BTG4: variants seen among roughly 807,000 people sequenced by gnomAD.
BTG4 encodes the protein BTG anti-proliferation factor 4, also known as protein BTG4.
In BTG4, 10 loss-of-function variants were observed where a neutral mutation model predicts 19.3. The observed-to-expected ratio is 0.52, with a 90% CI of 0.32 to 0.88. The LOEUF is 0.88. BTG4 is among the 40% of genes least tolerant of loss of function. The pLI is 0.04. For synonymous variants in BTG4, 91 were observed against 95.7 expected (o/e 0.95, Z 0.29); for missense variants, 238 against 281.9 (o/e 0.84, Z 1.11).
the BTG4 span, among the ~76,000 whole-genome samples, chr11:111,389,554 C>T: frequency 6.6e-6 from 1 of 152,156 alleles, no homozygotes; most frequent in Non-Finnish European, 1.5e-5. Flanking sequence ...ATCCATGATC[C>T]GTGGTCCACC....
the BTG4 span, chr11:111,453,329 T>C: frequency 2.4e-4 from 90 of 372,888 alleles, no homozygotes; most frequent in African/African-American, 1.7e-3. Context: ...GTGCGACCTG[T>C]TTCCTTTCAG....
At chr11:111,403,402 A>G in the BTG4 span, among the ~76,000 whole-genome samples, 1 of 152,174 alleles carries the variant, frequency 6.6e-6, no homozygotes, top group Admixed American at 6.5e-5. Flanking sequence ...ATTAATGGAG[A>G]AAGGGGAAAT....
the BTG4 span, chr11:111,456,688 GGATAT>G: frequency 5.2e-6 from 2 of 381,198 alleles, no homozygotes; most frequent in Admixed American, 5.5e-5. The surrounding 1 kb of genome is among the most constrained non-coding windows in gnomAD (Gnocchi z 4.2). Flanking sequence ...TGGACACCTG[GGATAT>G]GATCTGCTGA....
chr11:111,488,331 G>T (rs775460843), intron 5 of BTG4, among the ~76,000 whole-genome samples: 10 of 152,022 alleles, frequency 6.6e-5, no homozygotes, highest in Non-Finnish European at 1.2e-4. Flanking sequence ...TTCAACAAAG[G>T]TGCAAAGAAC....
chr11:111,455,890 T>C, the BTG4 span: 1 of 441,816 alleles, frequency 2.3e-6, no homozygotes, highest in Admixed American at 2.4e-5. Flanking sequence ...TGAGCTTTGC[T>C]TGGGCCTCAG....
chr11:111,442,979 A>G, the BTG4 span, among the ~76,000 whole-genome samples: 3 of 152,190 alleles, frequency 2.0e-5, no homozygotes, highest in Non-Finnish European at 4.4e-5. Flanking sequence ...GTGGAAAGGG[A>G]AAAAGAGTAA....
At chr11:111,455,030 G>A in the BTG4 span, 4 of 456,188 alleles carry the variant, frequency 8.8e-6, no homozygotes, top group African/African-American at 2.0e-5. Flanking sequence ...GGAACAAGGC[G>A]CTGCCTCCCA....
the BTG4 span, among the ~76,000 whole-genome samples, chr11:111,412,048 G>C: frequency 6.6e-6 from 1 of 152,210 alleles, no homozygotes; most frequent in East Asian, 1.9e-4. Flanking sequence ...AATCAGGTCA[G>C]CTGAATCCAG....
the BTG4 span, among the ~76,000 whole-genome samples, chr11:111,423,356 C>A: frequency 1.3e-5 from 2 of 152,246 alleles, no homozygotes; most frequent in African/African-American, 4.8e-5. Context: ...AGAATCAAAT[C>A]CTTTTACATC....
intron 2 of BTG4, 54 bp from the exon 3 acceptor site, chr11:111,498,189 G>A: frequency 6.3e-7 from 1 of 1,593,582 alleles, no homozygotes; most frequent in Non-Finnish European, 8.6e-7. Flanking sequence ...TTTAGCAGGA[G>A]AATCACATTA....
chr11:111,391,935 C>T, the BTG4 span, among the ~76,000 whole-genome samples: 6 of 152,052 alleles, frequency 3.9e-5, no homozygotes, highest in Non-Finnish European at 7.4e-5. Flanking sequence ...GCTCTCATTG[C>T]GTTCCATTCT....
intron 5 of BTG4, among the ~76,000 whole-genome samples, chr11:111,486,829 T>C (rs1865091638): frequency 6.6e-6 from 1 of 152,194 alleles, no homozygotes; most frequent in Non-Finnish European, 1.5e-5. Context: ...TTAATTTTAT[T>C]TCAAGTTTGG....
intron 5 of BTG4, among the ~76,000 whole-genome samples, chr11:111,482,095 A>T (rs186468541): frequency 1.3e-5 from 2 of 152,098 alleles, no homozygotes; most frequent in Non-Finnish European, 2.9e-5. Flanking sequence ...AGAGATAAAA[A>T]AAATTCCTGG....
chr11:111,506,533 G>A (rs1332976391), intron 1 of BTG4, among the ~76,000 whole-genome samples: 3 of 151,908 alleles, frequency 2.0e-5, no homozygotes, highest in African/African-American at 7.3e-5. Context: ...CCTAATACTG[G>A]GGTGATAAGT....
chr11:111,467,426 A>G (rs1863785768), downstream of BTG4: 2 of 463,774 alleles, frequency 4.3e-6, no homozygotes, highest in South Asian at 4.4e-5. Context: ...AAGCCTACTT[A>G]CCCTGTTGCA....
the BTG4 span, among the ~76,000 whole-genome samples, chr11:111,407,660 G>C: frequency 1.3e-5 from 2 of 152,150 alleles, no homozygotes; most frequent in Non-Finnish European, 2.9e-5. Flanking sequence ...GACAGAGCGA[G>C]ACTCCATCAA....
At chr11:111,458,580 G>T in the BTG4 span, among the ~76,000 whole-genome samples, 1 of 152,064 alleles carries the variant, frequency 6.6e-6, no homozygotes, top group Non-Finnish European at 1.5e-5. Flanking sequence ...CCCAGCTGGG[G>T]TCCTCTAGCT....
chr11:111,439,307 G>A, the BTG4 span, among the ~76,000 whole-genome samples: 2 of 152,220 alleles, frequency 1.3e-5, no homozygotes, highest in Non-Finnish European at 2.9e-5. Flanking sequence ...AGCGCATTGT[G>A]GCAGCACAGG....
chr11:111,443,105 G>T, the BTG4 span, among the ~76,000 whole-genome samples: 1 of 152,164 alleles, frequency 6.6e-6, no homozygotes. Context: ...GATGAAAATG[G>T]CACCTTGCCT....
Sources: allele counts gnomAD v4.1 joint callset (sites outside exome capture counted in the v4.1 genomes callset), GRCh38; gene constraint gnomAD v4.1.1; non-coding constraint Gnocchi (gnomAD v3.1); transcripts MANE v1.5; gene names NCBI Gene and HGNC (gene_info 2026-07-23, HGNC 2026-07-21).